The following STRIP2 variants were observed in gnomAD, a reference collection of about 807,000 sequenced individuals.
STRIP2 encodes striatin-interacting protein 2.
Under a neutral mutation model 107.1 loss-of-function variants are expected in STRIP2, and 84 were observed. The ratio of observed to expected loss-of-function variants is 0.78; its 90% confidence interval spans 0.66 to 0.94. The LOEUF (loss-of-function observed/expected upper bound fraction) is 0.94. STRIP2 is among the 40% of genes least tolerant of loss of function. The pLI is 0.00. For missense variants in STRIP2, 888 were observed against 1,034.2 expected, an observed-to-expected ratio of 0.86 and a Z score of 1.94; for synonymous variants, 394 against 400.4, an observed-to-expected ratio of 0.98 and a Z score of 0.19.
At chr7:129,468,785 G>A (rs1398292987) in intron 17 of STRIP2, among the ~76,000 whole-genome samples, 3 of 152,134 alleles carry the variant, frequency 2.0e-5, no homozygotes, top group East Asian at 1.9e-4. Flanking sequence ...GCAGAATAGC[G>A]ACTTTGTCAG....
chr7:129,461,408 G>A lies in STRIP2; in HGVS notation c.1476+1036G>A, dbSNP rs1798530449. Among the ~76,000 whole-genome samples the A allele has an allele frequency of 6.6e-6, 1 of 152,168 alleles. No homozygotes were observed. Among genetic ancestry groups the A allele is most frequent in the African/African-American group, 2.4e-5 (1 of 41,428 alleles). On this transcript the variant is annotated intron_variant, in intron 13 of 20. Transcript: ENST00000249344. This position sits in a 1 kb window ranked among gnomAD's most constrained non-coding sequence, Gnocchi z 4.0. ...GCTGAGATAACCCAGGGAGGGAGTA[G>A]AGACAAAGAAGAGAATGGAAGGCAG...
intron 13 of STRIP2, among the ~76,000 whole-genome samples, chr7:129,462,563 C>T (rs1431974372): frequency 2.0e-5 from 3 of 152,196 alleles, no homozygotes; most frequent in Non-Finnish European, 4.4e-5. Flanking sequence ...AGCTTCTTTG[C>T]TAATATTCCT....
chr7:129,485,136 C>G (rs1382485125), intron 20 of STRIP2, among the ~76,000 whole-genome samples: 1 of 152,082 alleles, frequency 6.6e-6, no homozygotes, highest in Non-Finnish European at 1.5e-5. Flanking sequence ...GCTGGCTATT[C>G]CATTCAGATG....
chr7:129,434,691 C>T (rs1009085816), intron 1 of STRIP2, 90 bp downstream of exon 1: 5 of 1,353,904 alleles, frequency 3.7e-6, no homozygotes, highest in African/African-American at 3.1e-5. Flanking sequence ...GCCCCGGAGC[C>T]CTCGGCGCGC....
intron 1 of STRIP2, 98 bp downstream of exon 1, chr7:129,434,699 C>A: frequency 7.5e-7 from 1 of 1,334,730 alleles, no homozygotes; most frequent in South Asian, 1.7e-5. Context: ...GCCCTCGGCG[C>A]GCTCGATCAG....
intron 16 of STRIP2, among the ~76,000 whole-genome samples, chr7:129,465,060 G>A (rs1275937284): frequency 6.6e-6 from 1 of 151,562 alleles, no homozygotes; most frequent in Non-Finnish European, 1.5e-5. Context: ...AAATGGGGGG[G>A]TGGGGGGAGT....
rs1799270824 is a variant in STRIP2, at chr7:129,487,636, TTTACCTAAGTAGGACAGTAGTCC to T, written c.*1812_*1834del. On this transcript the variant is annotated 3_prime_UTR_variant, in exon 21 of 21. Coordinates refer to ENST00000249344, the MANE Select transcript of STRIP2 (RefSeq NM_020704.3). ...AAACTTTTTAAAATAATTTGTAAAT[TTTACCTAAGTAGGACAGTAGTCC>T]TTACTGCAATCAAAATAATTTACTG... 1 of 152,158 alleles carries T rather than the reference TTTACCTAAGTAGGACAGTAGTCC, an allele frequency of 6.6e-6. No homozygotes were observed. Among genetic ancestry groups the T allele is most frequent in the South Asian group, 2.1e-4 (1 of 4,822 alleles). The allele number at this position is 152,158 out of a possible 1,614,324, so 9.4% of individuals were successfully genotyped here.
At chr7:129,463,609 C>T (rs1157416675) in intron 14 of STRIP2, among the ~76,000 whole-genome samples, 1 of 152,134 alleles carries the variant, frequency 6.6e-6, no homozygotes, top group Non-Finnish European at 1.5e-5. Flanking sequence ...GATTCTCCTG[C>T]CTCAGCCTCC....
chr7:129,484,996 C>T (rs1372007974), intron 20 of STRIP2, among the ~76,000 whole-genome samples: 3 of 152,164 alleles, frequency 2.0e-5, no homozygotes, highest in Admixed American at 2.0e-4. Flanking sequence ...ACCTCATCAT[C>T]TTAAAATAAG....
chr7:129,448,755 C>T (rs931554882), intron 3 of STRIP2, among the ~76,000 whole-genome samples: 5 of 152,124 alleles, frequency 3.3e-5, no homozygotes, highest in African/African-American at 4.8e-5. Flanking sequence ...CCACTTGGCC[C>T]CTGCCACCTC....
At chr7:129,449,208 C>G (rs1798117510) in intron 3 of STRIP2, among the ~76,000 whole-genome samples, 1 of 152,210 alleles carries the variant, frequency 6.6e-6, no homozygotes. Flanking sequence ...GTTCCTTCCT[C>G]CATCATCCCA....
Position 129,464,133 on chromosome 7 carries a change from G to A in STRIP2, c.1641G>A (p.Glu547=). The A allele has an allele frequency of 6.2e-7, 1 of 1,611,364 alleles. No homozygotes were observed. The highest frequency in any genetic ancestry group is 8.5e-7 in the Non-Finnish European group (1 of 1,179,622). ...ATATCCTGGCAGATGTCCTACCTGA[G>A]GAGATGCCGTGAGTGCTTCAACGGG... The part of the protein sequence containing the change: ...SINILADVLP[E]EMPITVLQSM... Residue 547 remains glutamate, a synonymous_variant, in exon 15 of 21, where the codon GAG becomes GAA. Transcript: ENST00000249344.
chr7:129,472,245 A>G (rs928511359), intron 18 of STRIP2, among the ~76,000 whole-genome samples: 6 of 152,194 alleles, frequency 3.9e-5, no homozygotes, highest in African/African-American at 1.4e-4. Context: ...GTCAACTTTT[A>G]TGGCCTGAAT....
chr7:129,470,506 C>T (rs1008699543), intron 17 of STRIP2, 143 bp from the exon 18 acceptor site: 5 of 626,854 alleles, frequency 8.0e-6, no homozygotes, highest in Non-Finnish European at 1.5e-5. Context: ...GGCACCAGAG[C>T]CCTCATTTCA....
Position 129,458,229 on chromosome 7 carries a change from G to A in STRIP2, c.1053G>A (p.Lys351=), listed in dbSNP as rs771755331. Reference sequence around the variant, plus strand: ...TTCCCCTCCAGCAACTCCTCACTAAGCAGGACAGCCTGGACATCTACAATG... The same window carrying A: ...TTCCCCTCCAGCAACTCCTCACTAAACAGGACAGCCTGGACATCTACAATG... ...RRGSRRQLLT[K]QDSLDIYNER... Residue 351 remains lysine (K), a synonymous_variant, in exon 10 of 21, where the codon AAG becomes AAA. Transcript: ENST00000249344. The surrounding 1 kb of genome is among the most constrained non-coding windows in gnomAD (Gnocchi z 4.6). 2 of 1,613,986 alleles carry A rather than the reference G, an allele frequency of 1.2e-6. No homozygotes were observed. Among genetic ancestry groups the A allele is most frequent in the Non-Finnish European group, 1.7e-6 (2 of 1,179,994 alleles).
rs779985419 is a variant in STRIP2 at position 129,462,963 on chromosome 7, T to C, written c.1477-3T>C. On this transcript the variant is annotated splice_polypyrimidine_tract_variant and splice_region_variant and intron_variant, in intron 13 of 20. Transcript: ENST00000249344. ...TTGCCAAACCATGTATTTCTTGCCA[T>C]AGGGGGAAGAGGTGGTACCAGAGAC... The C allele has an allele frequency of 5.6e-6, 9 of 1,613,106 alleles. No homozygotes were observed. In the East Asian group the frequency reaches 1.1e-4, roughly 20 times the overall value.
intron 8 of STRIP2, among the ~76,000 whole-genome samples, chr7:129,455,751 G>A (rs1012063618): frequency 6.6e-6 from 1 of 152,122 alleles, no homozygotes; most frequent in Non-Finnish European, 1.5e-5. Flanking sequence ...GTTGGGGTGA[G>A]TGCCTGCCCT....
chr7:129,453,715 G>A (rs886443364), intron 5 of STRIP2, among the ~76,000 whole-genome samples: 1 of 152,180 alleles, frequency 6.6e-6, no homozygotes, highest in African/African-American at 2.4e-5. Context: ...ATCAATTCCT[G>A]TCATTGTGCC....
At chr7:129,464,239 C>A (rs997120629) in intron 15 of STRIP2, 98 bp downstream of exon 15, 1 of 930,414 alleles carries the variant, frequency 1.1e-6, no homozygotes. Flanking sequence ...CAGAGATTGT[C>A]TCCAAAGAGA....
Sources: allele counts gnomAD v4.1 joint callset (sites outside exome capture counted in the v4.1 genomes callset), GRCh38; gene constraint gnomAD v4.1.1; non-coding constraint Gnocchi (gnomAD v3.1); transcripts MANE v1.5; gene names NCBI Gene and HGNC (gene_info 2026-07-23, HGNC 2026-07-21).